The following ANKMY2 variants were observed in gnomAD, a reference collection of about 807,000 sequenced individuals.
ANKMY2 encodes the protein ankyrin repeat and MYND domain containing 2, also known as ankyrin repeat and MYND domain-containing protein 2.
In ANKMY2, 36 loss-of-function variants were observed where a neutral mutation model predicts 50.4. The ratio of observed to expected loss-of-function variants is 0.71; its 90% confidence interval spans 0.55 to 0.94. ANKMY2 has a LOEUF of 0.94. Ranked by LOEUF, ANKMY2 falls within the 40% of genes least tolerant of loss-of-function variation. The pLI, the probability that ANKMY2 is intolerant of heterozygous loss-of-function variation, is 0.00. For synonymous variants in ANKMY2, 187 were observed against 178.8 expected, an observed-to-expected ratio of 1.05 and a Z score of -0.36; for missense variants, 565 against 524.0, an observed-to-expected ratio of 1.08 and a Z score of -0.76.
rs748971161 is a variant in ANKMY2 at position 16,636,454 on chromosome 7, A to C, written c.69T>G (p.Gly23=). 1 of 1,560,138 alleles carries C rather than the reference A, an allele frequency of 6.4e-7. No homozygotes were observed. Among genetic ancestry groups the C allele is most frequent in the South Asian group, 1.2e-5 (1 of 83,816 alleles). The change falls in exon 2 of 10, where the codon GGT becomes GGG. Residue 23 remains glycine, a splice_region_variant and synonymous_variant. Transcript: ENST00000306999. The part of the protein sequence containing the change: ...EKELLEVIGK[G]TVQEAGTLLS... Reference sequence around the variant, plus strand: ...ATAATGTTCCAGCTTCTTGGACAGTACCTAAAAAAAAAAAAAAGATGAAAA... The same window carrying C: ...ATAATGTTCCAGCTTCTTGGACAGTCCCTAAAAAAAAAAAAAAGATGAAAA...
intron 4 of ANKMY2, among the ~76,000 whole-genome samples, chr7:16,620,439 G>C (rs936789561): frequency 1.3e-5 from 2 of 152,188 alleles, no homozygotes; most frequent in Non-Finnish European, 2.9e-5. Context: ...CCTGTGGCCT[G>C]ACAAGGCAAA....
chr7:16,615,215 G>C (rs1444742373), intron 5 of ANKMY2, among the ~76,000 whole-genome samples: 1 of 152,168 alleles, frequency 6.6e-6, no homozygotes, highest in Non-Finnish European at 1.5e-5. Flanking sequence ...TTCTTAGAAA[G>C]ACAATTATTG....
chr7:16,616,498 C>G (rs1246329139), intron 4 of ANKMY2, among the ~76,000 whole-genome samples: 1 of 152,158 alleles, frequency 6.6e-6, no homozygotes, highest in Non-Finnish European at 1.5e-5. Context: ...TAAGCCATCT[C>G]TAGTTAAAAA....
intron 1 of ANKMY2, among the ~76,000 whole-genome samples, chr7:16,643,076 T>C (rs539207225): frequency 7.9e-5 from 12 of 152,326 alleles, no homozygotes; most frequent in African/African-American, 2.9e-4. Context: ...GTATTTCGAA[T>C]GCTTTAACTA....
At chr7:16,642,121 G>GA (rs925921041) in intron 1 of ANKMY2, among the ~76,000 whole-genome samples, 60 of 142,020 alleles carry the variant, frequency 4.2e-4, no homozygotes, top group South Asian at 4.4e-4. Context: ...ACACAGATAT[G>GA]AAAAAAAAAA....
At chr7:16,644,774 C>G (rs1324621284) in intron 1 of ANKMY2, 2 of 467,954 alleles carry the variant, frequency 4.3e-6, no homozygotes, top group African/African-American at 2.0e-5. Flanking sequence ...GTCCTCGGGG[C>G]TCCCCGCTGG....
intron 4 of ANKMY2, among the ~76,000 whole-genome samples, chr7:16,617,490 T>C (rs1027003746): frequency 2.6e-5 from 4 of 152,198 alleles, no homozygotes; most frequent in African/African-American, 9.7e-5. Context: ...GGGTTGAAAG[T>C]GTGTGGGTAA....
intron 2 of ANKMY2, among the ~76,000 whole-genome samples, chr7:16,632,102 T>C (rs1195367135): frequency 7.0e-6 from 1 of 142,862 alleles, no homozygotes; most frequent in Non-Finnish European, 1.5e-5. Context: ...CTTTCCTTCC[T>C]TCCTCTCTCC....
At chr7:16,628,079 T>C (rs1781529785) in intron 2 of ANKMY2, among the ~76,000 whole-genome samples, 1 of 152,246 alleles carries the variant, frequency 6.6e-6, no homozygotes, top group African/African-American at 2.4e-5. Flanking sequence ...CAGCCTTTTA[T>C]GTACTAGGCA....
intron 2 of ANKMY2, among the ~76,000 whole-genome samples, chr7:16,633,105 T>C (rs1033715878): frequency 6.6e-6 from 1 of 152,148 alleles, no homozygotes; most frequent in African/African-American, 2.4e-5. Flanking sequence ...TTATATATTG[T>C]TTTATTATTG....
At chr7:16,613,070 T>C (rs1781281049) in intron 5 of ANKMY2, among the ~76,000 whole-genome samples, 1 of 152,214 alleles carries the variant, frequency 6.6e-6, no homozygotes, top group Non-Finnish European at 1.5e-5. Flanking sequence ...TCTGTGCACA[T>C]CTGCCTCCTG....
In ANKMY2 at chr7:16,636,436, T is replaced by C. The variant is rs767992336; in HGVS notation, c.87A>G (p.Gly29=). 2 of 1,599,704 alleles carry C rather than the reference T, an allele frequency of 1.3e-6. No individual in the cohort carries two copies. Among genetic ancestry groups the C allele is most frequent in the Admixed American group, 3.4e-5 (2 of 58,322 alleles). The change falls in exon 2 of 10, where the codon GGA becomes GGG. Residue 29 remains glycine, a synonymous_variant. Coordinates refer to ENST00000306999, the MANE Select transcript of ANKMY2 (RefSeq NM_020319.3). ...GAACATTCTTGCTGGATAATAATGT[T>C]CCAGCTTCTTGGACAGTACCTAAAA... The part of the protein sequence containing the change: ...VIGKGTVQEA[G]TLLSSKNVRV...
At chr7:16,605,673 AC>A (rs1781146270) in intron 7 of ANKMY2, among the ~76,000 whole-genome samples, 2 of 42,478 alleles carry the variant, frequency 4.7e-5, no homozygotes, top group South Asian at 8.1e-4. Context: ...AATTTTTTGT[AC>A]TTTTTTTTTT....
chr7:16,627,056 C>T lies in ANKMY2; in HGVS notation c.255G>A (p.Met85Ile). Residue 85 changes from methionine (M) to isoleucine (I), a missense_variant, in exon 3 of 10, where the codon ATG becomes ATA. By Grantham distance (10) the Met-to-Ile change is conservative (BLOSUM62 1). Transcript: ENST00000306999. The stretch of plus-strand genomic sequence containing the variant: ...AAACTTCACCAGAAAGTGCAGCAAA[C>T]ATGAGGGCTGTGTATCCATGTTCAT... Reference protein sequence around the residue: ...HQHEHGYTALMFAALSGNKDI... With the variant: ...HQHEHGYTALIFAALSGNKDI... 6.2e-7 allele frequency: 1 copy of T among 1,604,732 alleles called. No homozygotes were observed. The highest frequency in any genetic ancestry group is 8.5e-7 in the Non-Finnish European group (1 of 1,176,032).
rs1425918246 is a variant in ANKMY2, at chr7:16,600,844, C to A, written c.1243G>T (p.Gly415Ter). The change falls in exon 10 of 10, where the codon GGA becomes TGA. Residue 415 changes from glycine (G) to a stop codon, truncating the protein, a stop_gained. Coordinates refer to ENST00000306999, the MANE Select transcript of ANKMY2 (RefSeq NM_020319.3). LOFTEE classifies it low-confidence loss of function (END_TRUNC). ...KDSNPEDSGE[G>*]KKESLESEAE... Reference sequence around the variant, plus strand: ...TCGCTTTCAAGAGATTCTTTCTTTCCTTCCCCGGAATCTTCAGGATTGGAA... The same window carrying A: ...TCGCTTTCAAGAGATTCTTTCTTTCATTCCCCGGAATCTTCAGGATTGGAA... 1 of 1,613,318 alleles carries A rather than the reference C, an allele frequency of 6.2e-7. No individual in the cohort carries two copies. Among genetic ancestry groups the A allele is most frequent in the African/African-American group, 1.3e-5 (1 of 74,870 alleles).
At chr7:16,618,716 G>T (rs1410703544) in intron 4 of ANKMY2, among the ~76,000 whole-genome samples, 2 of 152,164 alleles carry the variant, frequency 1.3e-5, no homozygotes, top group Non-Finnish European at 2.9e-5. Flanking sequence ...TCTCCTTCCA[G>T]AATCTTCAAG....
At position 16,628,611 on chromosome 7, in the gene ANKMY2, C is replaced by T. The variant is rs551995361; in HGVS notation, c.133-1433G>A. 2.0e-4 allele frequency among the ~76,000 whole-genome samples: 31 copies of T among 152,018 alleles called. No individual in the cohort carries two copies. The South Asian group carries it at 6.2e-3, about 31-fold the overall frequency. On this transcript the variant is annotated intron_variant, in intron 2 of 9. Transcript: ENST00000306999. ...GCTTTTAAATAAGGCAATACCATAT[C>T]GCGAGCATGACTAAGGTGATATCTC...
chr7:16,604,989 C>G, intron 7 of ANKMY2, 140 bp from the exon 8 acceptor site: 1 of 809,272 alleles, frequency 1.2e-6, no homozygotes, highest in Non-Finnish European at 1.7e-6. Context: ...ATTACACAGG[C>G]TTTAAGACAA....
chr7:16,615,685 C>T, intron 5 of ANKMY2, 59 bp downstream of exon 5: 1 of 1,601,728 alleles, frequency 6.2e-7, no homozygotes, highest in South Asian at 1.1e-5. Context: ...ATAATAAAAG[C>T]AGTTTAAACT....
Sources: allele counts gnomAD v4.1 joint callset (sites outside exome capture counted in the v4.1 genomes callset), GRCh38; gene constraint gnomAD v4.1.1; transcripts MANE v1.5; gene names NCBI Gene and HGNC (gene_info 2026-07-23, HGNC 2026-07-21).